PAPSS2: variants seen among roughly 807,000 people sequenced by gnomAD.
PAPSS2 encodes the protein 3'-phosphoadenosine 5'-phosphosulfate synthase 2.
PAPSS2 carries 61 observed loss-of-function variants against 66.5 expected under a neutral mutation model. That is an observed-to-expected ratio of 0.92 (90% CI 0.75 to 1.14). The LOEUF is 1.14. PAPSS2 is among the 50% of genes most tolerant of loss of function. PAPSS2 has a pLI of 0.00. For synonymous variants in PAPSS2, 289 were observed against 287.5 expected (o/e 1.01, Z -0.05); for missense variants, 708 against 789.6 (o/e 0.90, Z 1.24).
chr10:87,688,891 T>C (rs1456452262), intron 1 of PAPSS2, among the ~76,000 whole-genome samples: 1 of 152,062 alleles, frequency 6.6e-6, no homozygotes, highest in African/African-American at 2.4e-5. Context: ...CCACTAGTTG[T>C]CTCTAAGCAG....
rs553603365 is a variant in PAPSS2, at chr10:87,720,967, G to A, written c.866-789G>A. ...AACCTCAAGCTTGTGTTGACTGATG[G>A]CATCCAAGTAGGATCAAGACAGGGG... On this transcript the variant is annotated intron_variant, in intron 7 of 12. Transcript: ENST00000456849. 1.7e-4 allele frequency among the ~76,000 whole-genome samples: 26 copies of A among 152,192 alleles called. No homozygotes were observed. The South Asian group carries it at 5.4e-3, about 32-fold the overall frequency.
At chr10:87,723,319 A>G (rs1478352998) in intron 8 of PAPSS2, among the ~76,000 whole-genome samples, 1 of 152,194 alleles carries the variant, frequency 6.6e-6, no homozygotes, top group Non-Finnish European at 1.5e-5. Flanking sequence ...TAGACTATGC[A>G]GTGGATTTAA....
intron 1 of PAPSS2, among the ~76,000 whole-genome samples, chr10:87,685,765 A>G (rs1439369903): frequency 6.6e-6 from 1 of 152,182 alleles, no homozygotes; most frequent in Non-Finnish European, 1.5e-5. Flanking sequence ...ACAGATTTAC[A>G]TGAAAAGGAA....
intron 9 of PAPSS2, among the ~76,000 whole-genome samples, chr10:87,727,954 G>T (rs1853681177): frequency 6.6e-6 from 1 of 152,162 alleles, no homozygotes; most frequent in Admixed American, 6.5e-5. Flanking sequence ...GGGGGTCAAT[G>T]ATACTCTCTT....
At chr10:87,660,104 G>C (rs748975988) in intron 1 of PAPSS2, 96 bp downstream of exon 1, 1 of 1,286,288 alleles carries the variant, frequency 7.8e-7, no homozygotes, top group South Asian at 1.3e-5. Context: ...CACCCTCCCC[G>C]GGAGGGGGCG....
At chr10:87,739,212 ATTCCT>A (rs1345959067) in intron 9 of PAPSS2, among the ~76,000 whole-genome samples, 1 of 152,206 alleles carries the variant, frequency 6.6e-6, no homozygotes, top group Non-Finnish European at 1.5e-5. Context: ...GTCCAACTTC[ATTCCT>A]TTGCATGTGG....
intron 1 of PAPSS2, among the ~76,000 whole-genome samples, chr10:87,678,741 C>T (rs1230701375): frequency 6.6e-6 from 1 of 152,004 alleles, no homozygotes; most frequent in African/African-American, 2.4e-5. Context: ...TATTACCTCA[C>T]CTCATGTAGA....
chr10:87,686,369 T>C (rs1853089274), intron 1 of PAPSS2, among the ~76,000 whole-genome samples: 1 of 150,458 alleles, frequency 6.6e-6, no homozygotes, highest in Non-Finnish European at 1.5e-5. Context: ...AAGAGGCCCT[T>C]TTACCCATTG....
intron 3 of PAPSS2, 68 bp from the exon 4 acceptor site, chr10:87,713,976 C>G (rs569866691): frequency 3.9e-6 from 6 of 1,548,600 alleles, no homozygotes; most frequent in Non-Finnish European, 5.3e-6. Context: ...CCAAAGTACA[C>G]AGTGTTTTGT....
At chr10:87,734,691 ATATATATATATATATG>A (rs1853774897) in intron 9 of PAPSS2, among the ~76,000 whole-genome samples, 1 of 127,394 alleles carries the variant, frequency 7.8e-6, no homozygotes, top group Non-Finnish European at 1.7e-5. Context: ...ATATATATAT[ATATATATATATATATG>A]TATGTATTCT....
Position 87,727,409 on chromosome 10 carries a change from GCTGAATT to G in PAPSS2, c.1009_1015del (p.Glu337MetfsTer26). The stretch of plus-strand genomic sequence containing the variant: ...ACGGAGGGTAGCTATCTTACGAGAC[GCTGAATT>G]CTATGAACACAGAAAAGAGGAACGC... On this transcript the variant is annotated frameshift_variant, in exon 9 of 13. Coordinates refer to ENST00000456849, the MANE Select transcript of PAPSS2 (RefSeq NM_001015880.2). LOFTEE classifies it high-confidence loss of function. The G allele has an allele frequency of 6.2e-7, 1 of 1,614,078 alleles. No individual in the cohort carries two copies. Among genetic ancestry groups the G allele is most frequent in the Non-Finnish European group, 8.5e-7 (1 of 1,179,996 alleles).
chr10:87,682,805 AT>A (rs1853038733), intron 1 of PAPSS2, among the ~76,000 whole-genome samples: 2 of 152,206 alleles, frequency 1.3e-5, no homozygotes, highest in Non-Finnish European at 2.9e-5. Flanking sequence ...AAGAAGGAGC[AT>A]GTAGAAAAAC....
In PAPSS2 at chr10:87,695,654, G is replaced by T. The variant is rs117103800; in HGVS notation, c.28-13542G>T. Among the ~76,000 whole-genome samples, 739 of 152,344 alleles carry T rather than the reference G, an allele frequency of 4.9e-3. 2 individuals carry two copies. The Middle Eastern group carries it at 0.061, about 13-fold the overall frequency. Reference sequence around the variant, plus strand: ...AAGGGTCTAAGTCAGAATGCTGACAGTGGAAATTGCAAGAAAGTTCTTATG... The same window carrying T: ...AAGGGTCTAAGTCAGAATGCTGACATTGGAAATTGCAAGAAAGTTCTTATG... On this transcript the variant is annotated intron_variant, in intron 1 of 12. Coordinates refer to ENST00000456849, the MANE Select transcript of PAPSS2 (RefSeq NM_001015880.2).
At chr10:87,702,342 T>C (rs1853328887) in intron 1 of PAPSS2, among the ~76,000 whole-genome samples, 1 of 152,140 alleles carries the variant, frequency 6.6e-6, no homozygotes, top group Admixed American at 6.5e-5. Flanking sequence ...CTTCCCAATA[T>C]CTCTGAGCAG....
At chr10:87,712,500 G>T (rs1248867051) in intron 2 of PAPSS2, among the ~76,000 whole-genome samples, 1 of 152,168 alleles carries the variant, frequency 6.6e-6, no homozygotes, top group Non-Finnish European at 1.5e-5. Context: ...TACACAGGTT[G>T]GAGTGTAGTG....
chr10:87,738,262 G>A (rs1470979312), intron 9 of PAPSS2, among the ~76,000 whole-genome samples: 1 of 152,172 alleles, frequency 6.6e-6, no homozygotes, highest in African/African-American at 2.4e-5. Flanking sequence ...TCATATGGTA[G>A]TTCCATTTTT....
chr10:87,687,794 A>G (rs1042360942), intron 1 of PAPSS2, among the ~76,000 whole-genome samples: 2 of 152,160 alleles, frequency 1.3e-5, no homozygotes, highest in African/African-American at 2.4e-5. Flanking sequence ...ATATATATGT[A>G]CAGTTATGTC....
intron 8 of PAPSS2, among the ~76,000 whole-genome samples, chr10:87,724,528 A>G (rs552575409): frequency 1.3e-5 from 2 of 151,448 alleles, no homozygotes; most frequent in East Asian, 1.9e-4. Context: ...CTGTGTGTCT[A>G]TCTATATACA....
intron 1 of PAPSS2, among the ~76,000 whole-genome samples, chr10:87,690,682 G>A (rs549967074): frequency 1.3e-5 from 2 of 152,306 alleles, no homozygotes; most frequent in East Asian, 1.9e-4. Flanking sequence ...TAAGAGATGA[G>A]ATGAAAAGAC....
Sources: allele counts gnomAD v4.1 joint callset (sites outside exome capture counted in the v4.1 genomes callset), GRCh38; gene constraint gnomAD v4.1.1; transcripts MANE v1.5; gene names NCBI Gene and HGNC (gene_info 2026-07-23, HGNC 2026-07-21).